Variants in USP13 observed in about 807,000 individuals in gnomAD.
The protein encoded by USP13 is ubiquitin specific peptidase 13.
A neutral mutation model predicts 107.8 loss-of-function variants in USP13; 68 were observed. The observed-to-expected ratio is 0.63, with a 90% CI of 0.52 to 0.77. The LOEUF (loss-of-function observed/expected upper bound fraction) is 0.77. Ranked by LOEUF, USP13 falls within the 30% of genes least tolerant of loss-of-function variation. The pLI, the probability that USP13 is intolerant of heterozygous loss-of-function variation, is 0.00. For missense variants in USP13, 945 were observed against 1,093.3 expected, an observed-to-expected ratio of 0.86 and a Z score of 1.91; for synonymous variants, 377 against 389.5, an observed-to-expected ratio of 0.97 and a Z score of 0.38.
At chr3:179,769,808 C>G (rs1049393773) in intron 19 of USP13, among the ~76,000 whole-genome samples, 2 of 152,352 alleles carry the variant, frequency 1.3e-5, no homozygotes, top group East Asian at 1.9e-4. Flanking sequence ...CAGCATTTTC[C>G]TCCTTCCATC....
At chr3:179,771,322 A>G (rs756368450) in intron 19 of USP13, among the ~76,000 whole-genome samples, 5 of 152,064 alleles carry the variant, frequency 3.3e-5, no homozygotes, top group Non-Finnish European at 5.9e-5. Context: ...GCCCTGTCCT[A>G]CTCCAAGTCA....
chr3:179,668,588 AC>A (rs1720653320), intron 1 of USP13, among the ~76,000 whole-genome samples: 1 of 151,652 alleles, frequency 6.6e-6, no homozygotes, highest in Non-Finnish European at 1.5e-5. Flanking sequence ...ACAAGGTCTC[AC>A]TCTGTTGTCC....
At chr3:179,689,307 AC>A (rs1712017283) in intron 2 of USP13, among the ~76,000 whole-genome samples, 1 of 152,148 alleles carries the variant, frequency 6.6e-6, no homozygotes. Flanking sequence ...CTTTTGTATT[AC>A]CACTCGATGG....
intron 3 of USP13, among the ~76,000 whole-genome samples, chr3:179,692,678 G>A (rs972545761): frequency 6.6e-6 from 1 of 152,152 alleles, no homozygotes; most frequent in Non-Finnish European, 1.5e-5. Context: ...TAAACATTTC[G>A]ACTTACCATT....
intron 19 of USP13, among the ~76,000 whole-genome samples, chr3:179,768,363 T>C (rs935628784): frequency 4.6e-5 from 7 of 152,324 alleles, no homozygotes; most frequent in African/African-American, 1.7e-4. Context: ...CCTCAGGGCT[T>C]ACTCTACCTC....
rs978920818 is a variant in USP13, at chr3:179,668,778, C to T, written c.169-13100C>T. ...ATTTCCCCCTTCTGTGTGCTTGCTG[C>T]CCTTGATCTGGAATCTTGTTTTACT... On this transcript the variant is annotated intron_variant, in intron 1 of 20. Transcript: ENST00000263966. Among the ~76,000 whole-genome samples the T allele has an allele frequency of 1.2e-4, 19 of 152,160 alleles. 1 individual carries two copies. Among genetic ancestry groups the T allele is most frequent in the Admixed American group, 1.2e-3 (18 of 15,282 alleles).
chr3:179,752,527 A>C (rs894972812), intron 14 of USP13, among the ~76,000 whole-genome samples, 154 bp downstream of exon 14: 2 of 152,248 alleles, frequency 1.3e-5, no homozygotes, highest in African/African-American at 4.8e-5. Flanking sequence ...ATATGATAAG[A>C]ACTGACAATA....
At chr3:179,732,553 C>T (rs1713843093) in intron 10 of USP13, among the ~76,000 whole-genome samples, 1 of 152,074 alleles carries the variant, frequency 6.6e-6, no homozygotes, top group African/African-American at 2.4e-5. Flanking sequence ...CAGAATTGAT[C>T]TAGGTGGTGG....
rs1223844199 is a variant in USP13, at chr3:179,653,975, G to A, written c.168+582G>A. Among the ~76,000 whole-genome samples, 1 of 151,908 alleles carries A rather than the reference G, an allele frequency of 6.6e-6. No individual in the cohort carries two copies. Among genetic ancestry groups the A allele is most frequent in the Non-Finnish European group, 1.5e-5 (1 of 67,986 alleles). On this transcript the variant is annotated intron_variant, in intron 1 of 20. Transcript: ENST00000263966. This position sits in a 1 kb window ranked among gnomAD's most constrained non-coding sequence, Gnocchi z 4.0. ...GAAATCCTAGCACTTTTTAAGAGGC[G>A]GAGGCGGGCGGATCGTTTGAGGTCA...
At chr3:179,674,721 T>C (rs1271404488) in intron 1 of USP13, among the ~76,000 whole-genome samples, 1 of 152,106 alleles carries the variant, frequency 6.6e-6, no homozygotes, top group East Asian at 1.9e-4. Context: ...AGCCGATTTA[T>C]ATTGTAGGAG....
intron 15 of USP13, among the ~76,000 whole-genome samples, chr3:179,756,426 AAAC>A (rs1714801114): frequency 1.3e-5 from 1 of 78,530 alleles, no homozygotes; most frequent in Non-Finnish European, 2.9e-5. Context: ...ACAAACAAAC[AAAC>A]AAACAAACAA....
intron 11 of USP13, among the ~76,000 whole-genome samples, 172 bp downstream of exon 11, chr3:179,740,544 A>G (rs1714157240): frequency 6.6e-6 from 1 of 152,126 alleles, no homozygotes. Context: ...AGCCAACTTG[A>G]TGTGACTGCT....
At chr3:179,764,637 A>G (rs1308665598) in intron 18 of USP13, among the ~76,000 whole-genome samples, 2 of 152,194 alleles carry the variant, frequency 1.3e-5, no homozygotes, top group East Asian at 3.9e-4. Flanking sequence ...TTCTCTCTGC[A>G]GAAAGAGAAG....
At chr3:179,741,301 C>T (rs764460770) in intron 11 of USP13, among the ~76,000 whole-genome samples, 35 of 152,172 alleles carry the variant, frequency 2.3e-4, no homozygotes, top group Admixed American at 2.6e-4. Context: ...CTGCAACCTC[C>T]GCCTTGCAGG....
chr3:179,695,298 A>G (rs181822224), intron 3 of USP13, among the ~76,000 whole-genome samples: 3 of 152,298 alleles, frequency 2.0e-5, no homozygotes. Flanking sequence ...CATTCATTTG[A>G]TGACTTTGTG....
intron 6 of USP13, among the ~76,000 whole-genome samples, chr3:179,715,873 T>C (rs536312769): frequency 6.6e-6 from 1 of 152,334 alleles, no homozygotes; most frequent in Admixed American, 6.5e-5. Context: ...CTTTGCTTTT[T>C]CTCTCCATTT....
intron 19 of USP13, among the ~76,000 whole-genome samples, chr3:179,776,354 C>G (rs1399291977): frequency 1.3e-5 from 2 of 152,096 alleles, no homozygotes; most frequent in Non-Finnish European, 2.9e-5. Flanking sequence ...GGCCTTACCT[C>G]TATATGACAT....
At chr3:179,712,675 C>G (rs2108486828) in intron 6 of USP13, among the ~76,000 whole-genome samples, 2 of 151,714 alleles carry the variant, frequency 1.3e-5, no homozygotes, top group East Asian at 3.9e-4. Flanking sequence ...TGATGAACAT[C>G]CTTGTATATA....
rs1271895922 is a variant in USP13, at chr3:179,761,147, G to A, written c.1984G>A (p.Ala662Thr). 5 of 1,614,174 alleles carry A rather than the reference G, an allele frequency of 3.1e-6. No individual in the cohort carries two copies. The highest frequency in any genetic ancestry group is 4.2e-6 in the Non-Finnish European group (5 of 1,180,034). Residue 662 changes from alanine to threonine, a missense_variant, in exon 17 of 21, where the codon GCC becomes ACC. Physicochemically the swap from Ala to Thr is moderately conservative, Grantham distance 58. Coordinates refer to ENST00000263966, the MANE Select transcript of USP13 (RefSeq NM_003940.3). ...DIDESSVMQL[A>T]EMGFPLEACR... ...CGATGAGTCATCAGTGATGCAGCTG[G>A]CCGAGATGGGTTTCCCGCTGGAAGC...
Sources: gnomAD v4.1 joint callset for allele counts (sites outside exome capture counted in the v4.1 genomes callset) on GRCh38, gnomAD v4.1.1 for gene constraint, Gnocchi (gnomAD v3.1) non-coding constraint, MANE v1.5 for transcripts, NCBI Gene and HGNC (gene_info 2026-07-23, HGNC 2026-07-21) for gene names.